BACH2: variants seen among roughly 807,000 people sequenced by gnomAD.
The protein encoded by BACH2 is BACH transcriptional regulator 2.
In BACH2, 5 loss-of-function variants were observed where a neutral mutation model predicts 61.8. The observed-to-expected ratio is 0.08, with a 90% CI of 0.04 to 0.17. BACH2 has a LOEUF of 0.17. BACH2 is among the 10% of genes least tolerant of loss of function. The pLI is 1.00. For missense variants in BACH2, 824 were observed against 1,091.1 expected (o/e 0.76, Z 3.45); for synonymous variants, 446 against 440.1 (o/e 1.01, Z -0.17).
At chr6:89,984,940 T>C (rs1235926576) in intron 6 of BACH2, among the ~76,000 whole-genome samples, 1 of 152,208 alleles carries the variant, frequency 6.6e-6, no homozygotes, top group East Asian at 1.9e-4. Context: ...GTCATTTCAC[T>C]TTTAGGTTAT....
At chr6:90,273,714 C>T (rs1225907268) in intron 1 of BACH2, among the ~76,000 whole-genome samples, 1 of 152,150 alleles carries the variant, frequency 6.6e-6, no homozygotes, top group East Asian at 1.9e-4. Flanking sequence ...TTTTCTGCCT[C>T]TGAACTTCTA....
In BACH2 at chr6:89,932,162, G is replaced by A. The variant is rs982208740; in HGVS notation, c.*246C>T. On this transcript the variant is annotated 3_prime_UTR_variant, in exon 9 of 9. Transcript: ENST00000257749. The stretch of plus-strand genomic sequence containing the variant: ...CTGTGAAGACTGAAATTGAGCCACA[G>A]ACAGACAGTGTCATCACTGCTGTCT... The A allele has an allele frequency of 4.4e-6, 2 of 450,842 alleles. No individual in the cohort carries two copies. Among genetic ancestry groups the A allele is most frequent in the Non-Finnish European group, 7.9e-6 (2 of 252,276 alleles). 27.9% of individuals were successfully genotyped at this position (450,842 alleles called of 1,614,324 possible).
chr6:90,272,700 CA>C (rs1339046772), intron 1 of BACH2, among the ~76,000 whole-genome samples: 1 of 152,212 alleles, frequency 6.6e-6, no homozygotes, highest in Non-Finnish European at 1.5e-5. Flanking sequence ...CAATTCCAGT[CA>C]TTCATCAAGG....
chr6:90,094,152 C>T (rs995967530), intron 4 of BACH2, among the ~76,000 whole-genome samples: 2 of 152,104 alleles, frequency 1.3e-5, no homozygotes, highest in South Asian at 2.1e-4. Context: ...CAGCAACAGC[C>T]GTAGAAAAAG....
chr6:90,274,858 T>TG (rs1422611504), intron 1 of BACH2, among the ~76,000 whole-genome samples: 2 of 152,168 alleles, frequency 1.3e-5, no homozygotes, highest in African/African-American at 2.4e-5. Flanking sequence ...ATCAAATACC[T>TG]GGGGCACTGA....
intron 5 of BACH2, among the ~76,000 whole-genome samples, chr6:90,037,003 G>C (rs1042080579): frequency 1.3e-5 from 2 of 152,088 alleles, no homozygotes; most frequent in African/African-American, 4.8e-5. Flanking sequence ...AACACAAACT[G>C]AGCACCTAAA....
At chr6:90,233,795 T>A (rs1253350281) in intron 3 of BACH2, among the ~76,000 whole-genome samples, 1 of 152,150 alleles carries the variant, frequency 6.6e-6, no homozygotes, top group East Asian at 1.9e-4. Context: ...ATGTGACAAT[T>A]TTCCCAGGAT....
At chr6:90,047,960 C>A (rs1045612118) in intron 5 of BACH2, among the ~76,000 whole-genome samples, 14 of 152,060 alleles carry the variant, frequency 9.2e-5, no homozygotes, top group Non-Finnish European at 2.9e-5. Context: ...TCAAATAAAA[C>A]CTGAAGCAAA....
intron 2 of BACH2, among the ~76,000 whole-genome samples, chr6:90,262,845 G>A (rs1236904808): frequency 6.6e-6 from 1 of 152,200 alleles, no homozygotes; most frequent in African/African-American, 2.4e-5. Context: ...ATAAACTAGA[G>A]TTCACATTTC....
At chr6:90,112,904 G>A (rs999111013) in intron 4 of BACH2, among the ~76,000 whole-genome samples, 15 of 152,024 alleles carry the variant, frequency 9.9e-5, no homozygotes, top group Non-Finnish European at 2.1e-4. Flanking sequence ...AAAGGATGGA[G>A]AAAAATCTAC....
At chr6:90,287,964 A>C (rs1371779586) in intron 1 of BACH2, among the ~76,000 whole-genome samples, 1 of 152,204 alleles carries the variant, frequency 6.6e-6, no homozygotes, top group East Asian at 1.9e-4. Flanking sequence ...TGAAACAAAA[A>C]AGTGAGCACA....
At chr6:90,043,979 A>G (rs559608564) in intron 5 of BACH2, among the ~76,000 whole-genome samples, 3 of 152,184 alleles carry the variant, frequency 2.0e-5, no homozygotes, top group Non-Finnish European at 4.4e-5. Flanking sequence ...TGGCTACTCA[A>G]TAAGTGTTTT....
intron 4 of BACH2, among the ~76,000 whole-genome samples, chr6:90,107,303 C>T (rs777206676): frequency 1.1e-4 from 16 of 151,740 alleles, no homozygotes; most frequent in South Asian, 6.2e-4. Flanking sequence ...ATCCAGGAAG[C>T]GGAGGTTGCA....
chr6:89,984,203 T>G (rs1294691918), intron 6 of BACH2, among the ~76,000 whole-genome samples: 6 of 152,036 alleles, frequency 3.9e-5, no homozygotes, highest in African/African-American at 1.4e-4. Flanking sequence ...CCACATCCAT[T>G]CTGTAGGAGA....
intron 4 of BACH2, among the ~76,000 whole-genome samples, chr6:90,100,143 A>T (rs1782551682): frequency 6.6e-6 from 1 of 152,228 alleles, no homozygotes; most frequent in Non-Finnish European, 1.5e-5. Flanking sequence ...AATCAATTAT[A>T]TTCATCTACC....
intron 5 of BACH2, among the ~76,000 whole-genome samples, chr6:90,050,315 A>T (rs1312322794): frequency 6.6e-6 from 1 of 152,226 alleles, no homozygotes; most frequent in African/African-American, 2.4e-5. Flanking sequence ...AAGTTCATTG[A>T]TATGGCTTTA....
chr6:90,014,369 T>A (rs1488273417), intron 5 of BACH2, among the ~76,000 whole-genome samples: 1 of 146,532 alleles, frequency 6.8e-6, no homozygotes, highest in Non-Finnish European at 1.5e-5. Context: ...GCTGGGATAG[T>A]CTTTAACTAT....
At chr6:90,294,841 A>T (rs150191793) in intron 1 of BACH2, among the ~76,000 whole-genome samples, 1 of 152,274 alleles carries the variant, frequency 6.6e-6, no homozygotes, top group Non-Finnish European at 1.5e-5. Flanking sequence ...TGCCTTTCCT[A>T]CATGTTACAT....
intron 5 of BACH2, among the ~76,000 whole-genome samples, chr6:90,081,553 T>C (rs563464391): frequency 6.6e-6 from 1 of 152,084 alleles, no homozygotes; most frequent in South Asian, 2.1e-4. Flanking sequence ...GAAATATTAA[T>C]CCAATATACA....
Sources: allele counts gnomAD v4.1 joint callset (sites outside exome capture counted in the v4.1 genomes callset), GRCh38; gene constraint gnomAD v4.1.1; transcripts MANE v1.5; gene names NCBI Gene and HGNC (gene_info 2026-07-23, HGNC 2026-07-21).